NRG2: variants seen among roughly 807,000 people sequenced by gnomAD.
NRG2 encodes pro-neuregulin-2, membrane-bound isoform.
Under a neutral mutation model 73.9 loss-of-function variants are expected in NRG2, and 27 were observed. That is an observed-to-expected ratio of 0.37 (90% CI 0.27 to 0.50). The LOEUF is 0.50. NRG2 is among the 20% of genes least tolerant of loss of function. The pLI, the probability that NRG2 is intolerant of heterozygous loss-of-function variation, is 0.96. For missense variants in NRG2, 1,126 were observed against 1,210.1 expected (o/e 0.93, Z 1.03); for synonymous variants, 532 against 541.0 (o/e 0.98, Z 0.23).
intron 2 of NRG2, among the ~76,000 whole-genome samples, chr5:139,885,708 G>T (rs1233893467): frequency 6.6e-6 from 1 of 151,702 alleles, no homozygotes; most frequent in Admixed American, 6.6e-5. Context: ...GGCTCTGTGG[G>T]TGTGTGTGTG....
chr5:139,932,221 A>AGTGTGTGTGTGTGTGTGTGT (rs3056594), intron 1 of NRG2, among the ~76,000 whole-genome samples: 4 of 141,460 alleles, frequency 2.8e-5, no homozygotes, highest in African/African-American at 1.0e-4. Context: ...AAGAAAATGT[A>AGTGTGTGTGTGTGTGTGTGT]GTGTGTGTGT....
intron 1 of NRG2, among the ~76,000 whole-genome samples, chr5:139,912,222 C>T (rs1021053845): frequency 1.3e-5 from 2 of 152,162 alleles, no homozygotes; most frequent in African/African-American, 4.8e-5. Context: ...GACAATTCAA[C>T]CCAGGCTGGC....
At chr5:139,927,338 C>CTA (rs1266480843) in intron 1 of NRG2, among the ~76,000 whole-genome samples, 8 of 152,088 alleles carry the variant, frequency 5.3e-5, no homozygotes, top group Non-Finnish European at 1.0e-4. Context: ...CACACCTGCC[C>CTA]TATTGCCCTG....
intron 1 of NRG2, among the ~76,000 whole-genome samples, chr5:139,960,428 T>A (rs532096809): frequency 6.6e-6 from 1 of 152,264 alleles, no homozygotes; most frequent in African/African-American, 2.4e-5. Flanking sequence ...GGCAGGAGAA[T>A]CGCTGAAACC....
At chr5:139,905,110 G>GC (rs1765146006) in intron 1 of NRG2, among the ~76,000 whole-genome samples, 1 of 152,146 alleles carries the variant, frequency 6.6e-6, no homozygotes, top group Non-Finnish European at 1.5e-5. Context: ...GTGGCTTGTA[G>GC]CCCCCCTCCC....
chr5:139,978,792 T>G (rs1756568449), intron 1 of NRG2, among the ~76,000 whole-genome samples: 1 of 151,702 alleles, frequency 6.6e-6, no homozygotes, highest in South Asian at 2.1e-4. Flanking sequence ...AGCACTATGT[T>G]TATTGCGGCA....
intron 5 of NRG2, among the ~76,000 whole-genome samples, chr5:139,855,986 G>A (rs1212200892): frequency 1.3e-5 from 2 of 152,186 alleles, no homozygotes; most frequent in African/African-American, 4.8e-5. Context: ...ACCCACCCAT[G>A]GATCTGGTCA....
chr5:139,948,252 G>T (rs1053847582), intron 1 of NRG2, among the ~76,000 whole-genome samples: 1 of 152,192 alleles, frequency 6.6e-6, no homozygotes. Context: ...TCTTTCCTGA[G>T]ACGAATACTC....
intron 1 of NRG2, among the ~76,000 whole-genome samples, chr5:139,988,849 G>A (rs908870941): frequency 6.6e-6 from 1 of 151,892 alleles, no homozygotes; most frequent in Non-Finnish European, 1.5e-5. Flanking sequence ...TCTCGTGGGG[G>A]ATATTGTAAT....
At chr5:139,964,913 C>T (rs763904251) in intron 1 of NRG2, among the ~76,000 whole-genome samples, 77 of 152,338 alleles carry the variant, frequency 5.1e-4, no homozygotes, top group Admixed American at 1.3e-3. Flanking sequence ...CACTGTGTCA[C>T]CCTGGAGAGG....
In NRG2 at chr5:139,904,575, C is replaced by A. The variant is rs570796234; in HGVS notation, c.701-17064G>T. Reference sequence around the variant, plus strand: ...CTCCCGCGCCCTCCACCCTCGCCCCCCCTCCACCGGCTCGGGCCGCGGGGG... The same window carrying A: ...CTCCCGCGCCCTCCACCCTCGCCCCACCTCCACCGGCTCGGGCCGCGGGGG... On this transcript the variant is annotated intron_variant, in intron 1 of 9. Coordinates refer to ENST00000361474, the MANE Select transcript of NRG2 (RefSeq NM_004883.3). The surrounding 1 kb of genome is among the most constrained non-coding windows in gnomAD (Gnocchi z 6.0). Among the ~76,000 whole-genome samples the A allele has an allele frequency of 1.3e-5, 2 of 152,242 alleles. No homozygotes were observed. Among genetic ancestry groups the A allele is most frequent in the Non-Finnish European group, 2.9e-5 (2 of 67,978 alleles).
chr5:140,025,882 C>A (rs552524764), intron 1 of NRG2, among the ~76,000 whole-genome samples: 1 of 152,354 alleles, frequency 6.6e-6, no homozygotes, highest in South Asian at 2.1e-4. Context: ...CGCACACACA[C>A]TTGCCCTCCT....
At chr5:139,862,121 T>C (rs894213289) in intron 5 of NRG2, among the ~76,000 whole-genome samples, 1 of 152,162 alleles carries the variant, frequency 6.6e-6, no homozygotes, top group Non-Finnish European at 1.5e-5. Context: ...CCTGGCTGGG[T>C]ATTCCTGAGG....
chr5:139,848,779 G>GGGGGGGGGGGGT, intron 9 of NRG2, 82 bp from the exon 10 acceptor site: 1 of 198,602 alleles, frequency 5.0e-6, no homozygotes, highest in East Asian at 2.0e-4. Context: ...GGTAGGGTGG[G>GGGGGGGGGGGGT]AGGGGCGGAC....
intron 1 of NRG2, among the ~76,000 whole-genome samples, chr5:139,998,170 C>T (rs1468846451): frequency 6.6e-6 from 1 of 152,190 alleles, no homozygotes; most frequent in Non-Finnish European, 1.5e-5. Flanking sequence ...GGTTCTAGCT[C>T]TCTCTGTTAC....
rs942699080 is a variant in NRG2, at chr5:140,008,076, T to C, written c.700+34294A>G. On this transcript the variant is annotated intron_variant, in intron 1 of 9. Transcript: ENST00000361474. The surrounding 1 kb of genome is among the most constrained non-coding windows in gnomAD (Gnocchi z 4.2). ...TGTCACTCTCTAGTGTCATTTCACA[T>C]GAGAACAGATGTGGGGAGCACCACA... Among the ~76,000 whole-genome samples, 2 of 152,212 alleles carry C rather than the reference T, an allele frequency of 1.3e-5. No homozygotes were observed. The highest frequency in any genetic ancestry group is 2.9e-5 in the Non-Finnish European group (2 of 68,038).
intron 1 of NRG2, among the ~76,000 whole-genome samples, chr5:139,910,682 C>T (rs1765516983): frequency 6.6e-6 from 1 of 152,160 alleles, no homozygotes; most frequent in South Asian, 2.1e-4. Flanking sequence ...TTGCCATGCC[C>T]TTTTGACCCT....
At chr5:139,913,283 C>G (rs889911301) in intron 1 of NRG2, among the ~76,000 whole-genome samples, 3 of 152,206 alleles carry the variant, frequency 2.0e-5, no homozygotes, top group Admixed American at 1.3e-4. Flanking sequence ...GTTTCTTATA[C>G]CCTGCCCCAG....
intron 1 of NRG2, among the ~76,000 whole-genome samples, chr5:140,007,139 T>G (rs993802669): frequency 6.6e-6 from 1 of 152,068 alleles, no homozygotes; most frequent in Non-Finnish European, 1.5e-5. Flanking sequence ...TATCCTACAA[T>G]GCCCAAGATA....
Sources: gnomAD v4.1 joint callset for allele counts (sites outside exome capture counted in the v4.1 genomes callset) on GRCh38, gnomAD v4.1.1 for gene constraint, Gnocchi (gnomAD v3.1) non-coding constraint, MANE v1.5 for transcripts, NCBI Gene and HGNC (gene_info 2026-07-23, HGNC 2026-07-21) for gene names.